TAF1A: variants seen among roughly 807,000 people sequenced by gnomAD.
TAF1A encodes the protein TATA-box binding protein associated factor, RNA polymerase I subunit A.
TAF1A carries 42 observed loss-of-function variants against 61.6 expected under a neutral mutation model. That is an observed-to-expected ratio of 0.68 (90% CI 0.53 to 0.88). TAF1A has a LOEUF of 0.88. Ranked by LOEUF, TAF1A falls within the 40% of genes least tolerant of loss-of-function variation. The probability of loss-of-function intolerance (pLI) is 0.00; values close to 1 mark genes in which losing one functional copy is unlikely to be tolerated. For synonymous variants in TAF1A, 179 were observed against 177.7 expected, an observed-to-expected ratio of 1.01 and a Z score of -0.06; for missense variants, 424 against 518.7, an observed-to-expected ratio of 0.82 and a Z score of 1.77.
intron 1 of TAF1A, among the ~76,000 whole-genome samples, chr1:222,588,909 ATATT>A (rs1380392624): frequency 6.6e-6 from 1 of 152,240 alleles, no homozygotes; most frequent in African/African-American, 2.4e-5. Flanking sequence ...GTAGCAGCTA[ATATT>A]TATTAGGCCC....
intron 7 of TAF1A, among the ~76,000 whole-genome samples, chr1:222,565,397 A>T (rs1660075371): frequency 1.3e-5 from 2 of 152,218 alleles, no homozygotes; most frequent in South Asian, 4.1e-4. Context: ...TGAGATCTTA[A>T]TTCCAAATAC....
chr1:222,588,303 ATTTC>A, intron 2 of TAF1A, 136 bp downstream of exon 2: 10 of 1,001,226 alleles, frequency 1.0e-5, no homozygotes, highest in Non-Finnish European at 1.5e-5. Flanking sequence ...AAGAAAAAAG[ATTTC>A]TTTTGGCTTT....
At chr1:222,578,069 T>C (rs1269033368) in intron 4 of TAF1A, among the ~76,000 whole-genome samples, 3 of 152,320 alleles carry the variant, frequency 2.0e-5, no homozygotes, top group South Asian at 2.1e-4. Context: ...GTTTGGCTCA[T>C]AGCAGACATT....
intron 7 of TAF1A, among the ~76,000 whole-genome samples, chr1:222,568,388 C>A (rs924851577): frequency 2.6e-5 from 4 of 152,068 alleles, no homozygotes; most frequent in African/African-American, 9.7e-5. Flanking sequence ...TCACAAAGGA[C>A]TTATATCCAG....
chr1:222,571,158 G>GA (rs1660334801), intron 5 of TAF1A, among the ~76,000 whole-genome samples: 1 of 151,916 alleles, frequency 6.6e-6, no homozygotes, highest in African/African-American at 2.4e-5. Flanking sequence ...AATAGACACA[G>GA]AAAAAGCATC....
intron 4 of TAF1A, 100 bp from the exon 5 acceptor site, chr1:222,577,743 T>A: frequency 1.9e-6 from 2 of 1,068,352 alleles, no homozygotes; most frequent in Non-Finnish European, 2.8e-6. Flanking sequence ...AAGACCTTGG[T>A]AGGATACAAA....
intron 2 of TAF1A, among the ~76,000 whole-genome samples, chr1:222,588,169 C>G (rs1661096076): frequency 6.6e-6 from 1 of 152,220 alleles, no homozygotes; most frequent in Non-Finnish European, 1.5e-5. Flanking sequence ...CATATCTTCA[C>G]CTATGACTCC....
chr1:222,584,486 T>C (rs753759673), intron 2 of TAF1A, among the ~76,000 whole-genome samples, 189 bp from the exon 3 acceptor site: 1 of 152,206 alleles, frequency 6.6e-6, no homozygotes, highest in Non-Finnish European at 1.5e-5. Flanking sequence ...TTTTAGCAGA[T>C]AAAAACATTT....
At chr1:222,559,544 T>C (rs1445087827) in intron 10 of TAF1A, among the ~76,000 whole-genome samples, 1 of 152,222 alleles carries the variant, frequency 6.6e-6, no homozygotes, top group East Asian at 1.9e-4. Flanking sequence ...AATTCACATA[T>C]GAAAAATTAA....
chr1:222,560,180 T>A (rs976090093), intron 10 of TAF1A, among the ~76,000 whole-genome samples: 5 of 152,022 alleles, frequency 3.3e-5, no homozygotes, highest in Non-Finnish European at 5.9e-5. Context: ...CACCCAGAAT[T>A]TGAATCCTAT....
downstream of TAF1A, among the ~76,000 whole-genome samples, chr1:222,556,458 T>C (rs1659727401): frequency 6.6e-6 from 1 of 152,228 alleles, no homozygotes; most frequent in African/African-American, 2.4e-5. Context: ...GTTGGGATCC[T>C]GGTGCCAACA....
chr1:222,557,763 C>T (rs1027161411), downstream of TAF1A: 1 of 152,180 alleles, frequency 6.6e-6, no homozygotes, highest in Non-Finnish European at 1.5e-5. Flanking sequence ...CAGCTGAAAA[C>T]AGCCAGCCCA....
At chr1:222,580,772 GA>G (rs1342818280) in intron 3 of TAF1A, among the ~76,000 whole-genome samples, 199 of 75,016 alleles carry the variant, frequency 2.7e-3, no homozygotes, top group African/African-American at 6.1e-3. Context: ...AGAAAAGCAG[GA>G]AAAAAAAAAA....
At chr1:222,574,280 C>G (rs536701840) in intron 5 of TAF1A, among the ~76,000 whole-genome samples, 1 of 151,866 alleles carries the variant, frequency 6.6e-6, no homozygotes, top group African/African-American at 2.4e-5. Flanking sequence ...CTCAATAAAG[C>G]TATAAAGAAA....
chr1:222,557,975 C>G (rs1048564810), downstream of TAF1A: 1 of 151,542 alleles, frequency 6.6e-6, no homozygotes, highest in Non-Finnish European at 1.5e-5. Context: ...CCTCCACCTC[C>G]CGGGTTCAAG....
chr1:222,570,707 G>T (rs781381372), intron 5 of TAF1A, 42 bp from the exon 6 acceptor site: 34 of 1,510,130 alleles, frequency 2.3e-5, no homozygotes, highest in Non-Finnish European at 3.0e-5. Flanking sequence ...ATTAAACATT[G>T]AGGACCTCTG....
intron 7 of TAF1A, among the ~76,000 whole-genome samples, chr1:222,567,360 G>C (rs1660159937): frequency 6.6e-6 from 1 of 152,122 alleles, no homozygotes; most frequent in Non-Finnish European, 1.5e-5. Flanking sequence ...AAACATTCTG[G>C]AAATAGACAG....
At chr1:222,588,250 A>G (rs747254156) in intron 2 of TAF1A, among the ~76,000 whole-genome samples, 193 bp downstream of exon 2, 11 of 152,246 alleles carry the variant, frequency 7.2e-5, no homozygotes, top group Non-Finnish European at 1.5e-4. Context: ...TATCTAGCAT[A>G]ATACAGACTA....
chr1:222,579,795 G>A lies in TAF1A; in HGVS notation c.369C>T (p.Asn123=), dbSNP rs1347570893. ...TCATGACGCCAATATTTTTCATCCG[G>A]TTAGCAAAAGTATTGAAACTCTCCA... is the stretch of plus-strand genomic sequence containing the variant. ...SNMESFNTFA[N]RMKNIGVMNY... The change falls in exon 4 of 11, where the codon AAC becomes AAT. Residue 123 remains asparagine, a synonymous_variant. Transcript: ENST00000352967. 1.9e-6 allele frequency: 3 copies of A among 1,610,734 alleles called. No individual in the cohort carries two copies. The Admixed American group carries it at 5.1e-5, about 27-fold the overall frequency.
Sources: gnomAD v4.1 joint callset for allele counts (sites outside exome capture counted in the v4.1 genomes callset) on GRCh38, gnomAD v4.1.1 for gene constraint, MANE v1.5 for transcripts, NCBI Gene and HGNC (gene_info 2026-07-23, HGNC 2026-07-21) for gene names.